ANKRD12: variants seen among roughly 807,000 people sequenced by gnomAD.
ANKRD12 encodes the protein ankyrin repeat domain 12, also known as ankyrin repeat domain-containing protein 12.
A neutral mutation model predicts 183.4 loss-of-function variants in ANKRD12; 85 were observed. That is an observed-to-expected ratio of 0.46 (90% CI 0.39 to 0.56). The LOEUF (loss-of-function observed/expected upper bound fraction) is 0.56. Among genes scored for constraint, ANKRD12 ranks in the 20% least tolerant of loss-of-function variants. The probability of loss-of-function intolerance (pLI) is 0.00; values close to 1 mark genes in which losing one functional copy is unlikely to be tolerated. For missense variants in ANKRD12, 2,405 were observed against 2,357.1 expected (o/e 1.02, Z -0.42); for synonymous variants, 914 against 800.2 (o/e 1.14, Z -2.40).
chr18:9,261,611 C>T (rs963233001), intron 9 of ANKRD12, among the ~76,000 whole-genome samples: 1 of 152,160 alleles, frequency 6.6e-6, no homozygotes, highest in Non-Finnish European at 1.5e-5. Context: ...CTTAGAACAT[C>T]AAATTTGACA....
rs771528015 is a variant in ANKRD12, at chr18:9,256,814, G to C, written c.3547G>C (p.Asp1183His). 2 of 1,613,976 alleles carry C rather than the reference G, an allele frequency of 1.2e-6. No homozygotes were observed. Among genetic ancestry groups the C allele is most frequent in the Non-Finnish European group, 1.7e-6 (2 of 1,179,966 alleles). Residue 1183 changes from aspartate to histidine, a missense_variant, in exon 9 of 13, where the codon GAT (aspartate) becomes CAT (histidine). Asp to His is a moderately conservative substitution (Grantham distance 81, BLOSUM62 -1). This residue lies in a region of ANKRD12 where 1,983 missense variants were observed against 1,725.9 expected (regional missense o/e 1.15). Coordinates refer to ENST00000262126, the MANE Select transcript of ANKRD12 (RefSeq NM_015208.5). Reference sequence around the variant, plus strand: ...TTTAGGGAAGTCATCTTTTGTTTCAGATAATAGCTTAAACAGGTCTCCTAG... The same window carrying C: ...TTTAGGGAAGTCATCTTTTGTTTCACATAATAGCTTAAACAGGTCTCCTAG... ...MTLGKSSFVSDNSLNRSPRSE... is the reference protein window; with the variant it reads ...MTLGKSSFVSHNSLNRSPRSE...
At chr18:9,155,306 A>G (rs932507122) in intron 1 of ANKRD12, among the ~76,000 whole-genome samples, 3 of 152,242 alleles carry the variant, frequency 2.0e-5, no homozygotes, top group Non-Finnish European at 4.4e-5. Flanking sequence ...TGTAACACAA[A>G]GGATAAATGC....
At chr18:9,223,465 C>G (rs1263600015) in intron 8 of ANKRD12, among the ~76,000 whole-genome samples, 1 of 151,438 alleles carries the variant, frequency 6.6e-6, no homozygotes, top group Non-Finnish European at 1.5e-5. Flanking sequence ...AAAAAAAAAC[C>G]CAAAACCAAA....
chr18:9,199,560 TATC>T (rs1374217238), intron 3 of ANKRD12, among the ~76,000 whole-genome samples: 1 of 152,176 alleles, frequency 6.6e-6, no homozygotes, highest in Non-Finnish European at 1.5e-5. Context: ...GGAGAAAGCA[TATC>T]ATCTTATCTC....
chr18:9,202,116 G>A (rs534453718), intron 3 of ANKRD12, among the ~76,000 whole-genome samples: 6 of 152,200 alleles, frequency 3.9e-5, no homozygotes, highest in Non-Finnish European at 5.9e-5. Context: ...GTGAGCAACC[G>A]CGCCCAGCCT....
chr18:9,187,056 T>C lies in ANKRD12; in HGVS notation c.87+4537T>C, dbSNP rs554254642. Among the ~76,000 whole-genome samples, 64 of 152,282 alleles carry C rather than the reference T, an allele frequency of 4.2e-4. No individual in the cohort carries two copies. The East Asian group carries it at 5.0e-3, about 12-fold the overall frequency. On this transcript the variant is annotated intron_variant, in intron 2 of 12. Coordinates refer to ENST00000262126, the MANE Select transcript of ANKRD12 (RefSeq NM_015208.5). Reference sequence around the variant, plus strand: ...GATTACAGGCGTGAGCCACTGCGCCTGGCCGATTGTCTTTTCATAGTGAGT... The same window carrying C: ...GATTACAGGCGTGAGCCACTGCGCCCGGCCGATTGTCTTTTCATAGTGAGT...
intron 1 of ANKRD12, among the ~76,000 whole-genome samples, chr18:9,154,534 G>A (rs2030096455): frequency 6.6e-6 from 1 of 152,148 alleles, no homozygotes; most frequent in South Asian, 2.1e-4. Context: ...GCCAGCCTGG[G>A]CAACATAGTG....
intron 1 of ANKRD12, among the ~76,000 whole-genome samples, chr18:9,158,783 G>C (rs9652952): frequency 0.78 from 118,297 of 152,086 alleles, 46,259 homozygotes; most frequent in Middle Eastern, 0.88. Context: ...GGAGATGTCT[G>C]CATAAACTAT....
rs754495565 is a variant in ANKRD12, at chr18:9,182,530, A to G, written c.87+11A>G. On this transcript the variant is annotated intron_variant, in intron 2 of 12. Transcript: ENST00000262126. ...CCATATGGAAGAAAGGTATATGATT[A>G]TACTAAAGATTTGTTGACTTTTTGA... is the stretch of plus-strand genomic sequence containing the variant. 2 of 1,516,866 alleles carry G rather than the reference A, an allele frequency of 1.3e-6. No homozygotes were observed. Among genetic ancestry groups the G allele is most frequent in the South Asian group, 1.3e-5 (1 of 79,114 alleles). 94.0% of individuals were successfully genotyped at this position (1,516,866 alleles called of 1,614,324 possible). A position where few individuals can be genotyped will look rare whatever the true frequency, so the allele number is the denominator to read the frequency against.
intron 2 of ANKRD12, among the ~76,000 whole-genome samples, chr18:9,193,696 G>C (rs1274693097): frequency 1.3e-5 from 2 of 151,802 alleles, no homozygotes; most frequent in African/African-American, 2.4e-5. Context: ...TTCATCTTGG[G>C]TTGAAAACTG....
intron 1 of ANKRD12, among the ~76,000 whole-genome samples, chr18:9,180,132 G>T (rs1474373180): frequency 2.0e-5 from 3 of 152,076 alleles, no homozygotes; most frequent in African/African-American, 7.2e-5. Context: ...GTATTTTGAA[G>T]CTCTGTTGTT....
At chr18:9,238,052 A>G (rs1338050764) in intron 8 of ANKRD12, among the ~76,000 whole-genome samples, 1 of 152,152 alleles carries the variant, frequency 6.6e-6, no homozygotes, top group African/African-American at 2.4e-5. Flanking sequence ...GTGGTATTTC[A>G]GTCCTTATCC....
chr18:9,159,162 G>A (rs2031035697), intron 1 of ANKRD12, among the ~76,000 whole-genome samples: 1 of 152,268 alleles, frequency 6.6e-6, no homozygotes, highest in Admixed American at 6.5e-5. Context: ...CATTTTAGGT[G>A]TGCTTCTTGC....
chr18:9,197,194 G>T (rs1598523546), intron 3 of ANKRD12, among the ~76,000 whole-genome samples: 1 of 152,138 alleles, frequency 6.6e-6, no homozygotes, highest in African/African-American at 2.4e-5. Context: ...AGGAGAAAAT[G>T]TTACTTAGGA....
At chr18:9,172,478 A>T (rs1316072974) in intron 1 of ANKRD12, among the ~76,000 whole-genome samples, 1 of 152,136 alleles carries the variant, frequency 6.6e-6, no homozygotes, top group Non-Finnish European at 1.5e-5. Context: ...ACAGTTTTCA[A>T]GCCCTGAGAT....
intron 8 of ANKRD12, among the ~76,000 whole-genome samples, chr18:9,241,198 G>A (rs2037640377): frequency 1.3e-5 from 2 of 152,006 alleles, no homozygotes; most frequent in South Asian, 2.1e-4. Flanking sequence ...AGGTTACATC[G>A]GGTGTTTTTA....
chr18:9,266,492 C>T (rs1195817710), intron 10 of ANKRD12, among the ~76,000 whole-genome samples: 5 of 152,146 alleles, frequency 3.3e-5, no homozygotes, highest in African/African-American at 1.2e-4. Flanking sequence ...ATTTTCAACC[C>T]AGAATTTCAT....
intron 8 of ANKRD12, among the ~76,000 whole-genome samples, chr18:9,243,135 T>A (rs915035939): frequency 9.9e-5 from 15 of 152,234 alleles, no homozygotes; most frequent in Non-Finnish European, 1.5e-4. Context: ...CTGTTACTTG[T>A]TTAGGCAACA....
intron 1 of ANKRD12, among the ~76,000 whole-genome samples, chr18:9,165,479 G>A (rs933549095): frequency 3.9e-5 from 6 of 152,078 alleles, no homozygotes; most frequent in African/African-American, 1.4e-4. Flanking sequence ...ATCCCAAGCT[G>A]AAACTTCATA....
Sources: gnomAD v4.1 joint callset for allele counts (sites outside exome capture counted in the v4.1 genomes callset) on GRCh38, gnomAD v4.1.1 for gene constraint, gnomAD v4.1.1 regional missense constraint, MANE v1.5 for transcripts, NCBI Gene and HGNC (gene_info 2026-07-23, HGNC 2026-07-21) for gene names.